Variants in ME3 observed in about 807,000 individuals in gnomAD.
The protein encoded by ME3 is malic enzyme 3, also known as NADP-dependent malic enzyme, mitochondrial.
Under a neutral mutation model 68.9 loss-of-function variants are expected in ME3, and 48 were observed. The observed-to-expected ratio is 0.70, with a 90% CI of 0.55 to 0.89. The LOEUF (loss-of-function observed/expected upper bound fraction) is 0.89. Ranked by LOEUF, ME3 falls within the 40% of genes least tolerant of loss-of-function variation. The pLI, the probability that ME3 is intolerant of heterozygous loss-of-function variation, is 0.00. For missense variants in ME3, 675 were observed against 797.4 expected (o/e 0.85, Z 1.85); for synonymous variants, 320 against 318.8 (o/e 1.00, Z -0.04).
At chr11:86,564,198 T>C (rs1957368489) in intron 2 of ME3, among the ~76,000 whole-genome samples, 1 of 152,144 alleles carries the variant, frequency 6.6e-6, no homozygotes, top group Non-Finnish European at 1.5e-5. Flanking sequence ...ATTTCATATG[T>C]TTATTTTCTA....
intron 2 of ME3, among the ~76,000 whole-genome samples, chr11:86,657,060 G>A (rs1214605506): frequency 6.6e-6 from 1 of 152,212 alleles, no homozygotes; most frequent in South Asian, 2.1e-4. Flanking sequence ...GACAGTGTGG[G>A]GATTCCTCAA....
intron 4 of ME3, among the ~76,000 whole-genome samples, chr11:86,521,392 C>G (rs186210766): frequency 0.02 from 2,498 of 126,640 alleles, 37 homozygotes; most frequent in Non-Finnish European, 0.033. Flanking sequence ...GAGACTCCAT[C>G]TCAAAAACAA....
intron 4 of ME3, among the ~76,000 whole-genome samples, chr11:86,533,671 C>T (rs957120933): frequency 9.2e-5 from 14 of 152,250 alleles, no homozygotes; most frequent in Admixed American, 5.2e-4. Context: ...TAAAGCCAGA[C>T]GAGGACACTA....
At chr11:86,559,127 T>C (rs1957073316) in intron 3 of ME3, among the ~76,000 whole-genome samples, 1 of 152,210 alleles carries the variant, frequency 6.6e-6, no homozygotes, top group Non-Finnish European at 1.5e-5. Context: ...CCATTTTCTC[T>C]TTATGTCTGG....
At position 86,483,986 on chromosome 11, in the gene ME3, G is replaced by A. The variant is rs1369228566; in HGVS notation, c.809+3351C>T. On this transcript the variant is annotated intron_variant, in intron 7 of 14. Coordinates refer to ENST00000543262, the Ensembl canonical transcript of ME3. ...ACAGGGAAAGAGCGGGAAGAGTGGG[G>A]CAATCAGTCCTTGCCATCAGTCTTT... Among the ~76,000 whole-genome samples, 8 of 152,218 alleles carry A rather than the reference G, an allele frequency of 5.3e-5. No homozygotes were observed. In the East Asian group the frequency reaches 1.3e-3, roughly 26 times the overall value.
At chr11:86,501,144 T>G (rs1391869847) in intron 5 of ME3, among the ~76,000 whole-genome samples, 1 of 141,332 alleles carries the variant, frequency 7.1e-6, no homozygotes, top group African/African-American at 2.6e-5. Context: ...AATAGATAAC[T>G]ATTCTGAGCT....
intron 2 of ME3, among the ~76,000 whole-genome samples, chr11:86,650,736 A>AGACAGTGGGTGAAG (rs1159402514): frequency 6.6e-6 from 1 of 152,194 alleles, no homozygotes; most frequent in Admixed American, 6.5e-5. Context: ...AGGGATTGTC[A>AGACAGTGGGTGAAG]GACAGTGGGT....
chr11:86,534,447 C>A (rs1312583232), intron 4 of ME3, among the ~76,000 whole-genome samples: 1 of 152,040 alleles, frequency 6.6e-6, no homozygotes. Flanking sequence ...AGCTGAGGCT[C>A]ACAGATCACC....
At chr11:86,661,357 T>A (rs965847320) in intron 2 of ME3, among the ~76,000 whole-genome samples, 1 of 152,214 alleles carries the variant, frequency 6.6e-6, no homozygotes, top group Non-Finnish European at 1.5e-5. Flanking sequence ...GGATCCGGTA[T>A]GGATGGGGCA....
chr11:86,442,844 C>A, exon 14 of ME3: 1 of 1,612,852 alleles, frequency 6.2e-7, no homozygotes, highest in Non-Finnish European at 8.5e-7. Context: ...CTCAAAGACA[C>A]GTCTCGGATG....
intron 13 of ME3, among the ~76,000 whole-genome samples, chr11:86,445,806 A>G (rs11234658): frequency 0.34 from 52,320 of 152,008 alleles, 9,278 homozygotes; most frequent in East Asian, 0.49. Flanking sequence ...CCAATACTTC[A>G]TATCAGTGCT....
At chr11:86,515,689 A>G (rs1341023413) in intron 4 of ME3, among the ~76,000 whole-genome samples, 2 of 152,140 alleles carry the variant, frequency 1.3e-5, no homozygotes, top group Non-Finnish European at 2.9e-5. Flanking sequence ...TCCCGCTGAT[A>G]TGGTTTCCTG....
intron 2 of ME3, among the ~76,000 whole-genome samples, chr11:86,652,516 A>G (rs1945520224): frequency 6.6e-6 from 1 of 152,130 alleles, no homozygotes; most frequent in African/African-American, 2.4e-5. Flanking sequence ...TGAAGGAGAA[A>G]TAAAATACTT....
At chr11:86,520,633 G>C (rs1467163508) in intron 4 of ME3, among the ~76,000 whole-genome samples, 1 of 152,132 alleles carries the variant, frequency 6.6e-6, no homozygotes, top group Non-Finnish European at 1.5e-5. Flanking sequence ...CCTCCCTCTT[G>C]TTCCTGCAGG....
intron 4 of ME3, among the ~76,000 whole-genome samples, chr11:86,522,107 G>A (rs1012726658): frequency 7.9e-5 from 12 of 152,114 alleles, no homozygotes; most frequent in African/African-American, 2.7e-4. Flanking sequence ...AAAATTAGCT[G>A]GGTGTGGTGG....
intron 4 of ME3, among the ~76,000 whole-genome samples, chr11:86,545,759 A>G (rs1025651561): frequency 6.6e-6 from 1 of 152,204 alleles, no homozygotes; most frequent in Admixed American, 6.5e-5. Flanking sequence ...TATAGATTCA[A>G]TGCTATCCCC....
At chr11:86,671,989 C>T in intron 1 of ME3, 31 bp from the exon 2 acceptor site, 1 of 1,359,178 alleles carries the variant, frequency 7.4e-7, no homozygotes, top group Non-Finnish European at 9.4e-7. Context: ...AGGTCAGGGC[C>T]TCCTTCCAGC....
At chr11:86,551,737 T>C (rs1956695097) in intron 4 of ME3, among the ~76,000 whole-genome samples, 1 of 152,232 alleles carries the variant, frequency 6.6e-6, no homozygotes, top group Non-Finnish European at 1.5e-5. Flanking sequence ...TGTATGTTAT[T>C]GGCCAGTGTG....
At chr11:86,667,127 C>A (rs1263916325) in intron 2 of ME3, among the ~76,000 whole-genome samples, 1 of 152,216 alleles carries the variant, frequency 6.6e-6, no homozygotes, top group East Asian at 1.9e-4. Context: ...AAGGCCATCA[C>A]CCGTGGTGCC....
Sources: gnomAD v4.1 joint callset for allele counts (sites outside exome capture counted in the v4.1 genomes callset) on GRCh38, gnomAD v4.1.1 for gene constraint, MANE v1.5 for transcripts, NCBI Gene and HGNC (gene_info 2026-07-23, HGNC 2026-07-21) for gene names.